Variants in PDIA5 observed in about 807,000 individuals in gnomAD.
The protein encoded by PDIA5 is protein disulfide-isomerase A5.
PDIA5 carries 58 observed loss-of-function variants against 77.6 expected under a neutral mutation model. The observed-to-expected ratio is 0.75, with a 90% confidence interval of 0.61 to 0.93. The LOEUF is 0.93. PDIA5 is among the 40% of genes least tolerant of loss of function. The probability of loss-of-function intolerance (pLI) is 0.00; values close to 1 mark genes in which losing one functional copy is unlikely to be tolerated. For synonymous variants in PDIA5, 250 were observed against 252.1 expected (o/e 0.99, Z 0.08); for missense variants, 630 against 647.7 (o/e 0.97, Z 0.30).
chr3:123,111,050 T>C, intron 7 of PDIA5, 46 bp downstream of exon 7: 1 of 1,500,836 alleles, frequency 6.7e-7, no homozygotes, highest in Non-Finnish European at 9.3e-7. Context: ...GTTTAGTCTC[T>C]TTGTGGGTGG....
intron 15 of PDIA5, among the ~76,000 whole-genome samples, chr3:123,158,495 A>G (rs1936072111): frequency 6.6e-6 from 1 of 152,196 alleles, no homozygotes; most frequent in African/African-American, 2.4e-5. Context: ...GAGGAACCAA[A>G]GCAGGTGTTT....
At chr3:123,142,185 C>T (rs937324530) in intron 11 of PDIA5, among the ~76,000 whole-genome samples, 3 of 152,214 alleles carry the variant, frequency 2.0e-5, no homozygotes, top group Non-Finnish European at 2.9e-5. Context: ...CTAGAGGGAG[C>T]GGCCTGCCTG....
intron 13 of PDIA5, among the ~76,000 whole-genome samples, chr3:123,147,426 G>C (rs146206168): frequency 6.6e-6 from 1 of 152,210 alleles, no homozygotes; most frequent in Non-Finnish European, 1.5e-5. Context: ...GAACCTATAC[G>C]GTCTGAGCTA....
intron 11 of PDIA5, 103 bp from the exon 12 acceptor site, chr3:123,145,418 AG>A (rs1935743385): frequency 1.4e-6 from 1 of 740,562 alleles, no homozygotes. Flanking sequence ...TGCTTTTCTC[AG>A]GTGTCTGGGA....
At chr3:123,105,606 C>T (rs1388486735) in intron 5 of PDIA5, among the ~76,000 whole-genome samples, 3 of 152,154 alleles carry the variant, frequency 2.0e-5, no homozygotes, top group Admixed American at 2.0e-4. Flanking sequence ...CCCATTCTCC[C>T]GTAGTAGTTC....
intron 10 of PDIA5, among the ~76,000 whole-genome samples, chr3:123,125,774 A>C (rs1935233949): frequency 6.6e-6 from 1 of 152,134 alleles, no homozygotes; most frequent in African/African-American, 2.4e-5. Context: ...TGTTTGCATC[A>C]TGTCTTTTAT....
chr3:123,140,764 C>A (rs1935613197), intron 11 of PDIA5, among the ~76,000 whole-genome samples: 1 of 152,210 alleles, frequency 6.6e-6, no homozygotes. Flanking sequence ...AAGCCCAGCA[C>A]AGACAGCGAG....
intron 2 of PDIA5, among the ~76,000 whole-genome samples, chr3:123,091,345 G>T (rs970782463): frequency 1.3e-5 from 2 of 152,114 alleles, no homozygotes; most frequent in African/African-American, 4.8e-5. Flanking sequence ...GCTTGGGGAT[G>T]TATCATATGG....
intron 8 of PDIA5, among the ~76,000 whole-genome samples, chr3:123,123,255 G>A (rs1301857230): frequency 1.3e-5 from 2 of 152,182 alleles, no homozygotes; most frequent in East Asian, 3.9e-4. Flanking sequence ...GGGAGTTTTA[G>A]GGGATTCCTT....
chr3:123,127,227 T>C (rs1935261379), intron 10 of PDIA5, among the ~76,000 whole-genome samples: 1 of 152,098 alleles, frequency 6.6e-6, no homozygotes, highest in South Asian at 2.1e-4. Context: ...GAACAATTGC[T>C]CTCTCCAAAC....
intron 11 of PDIA5, among the ~76,000 whole-genome samples, chr3:123,141,436 C>T (rs2107977197): frequency 6.6e-6 from 1 of 152,334 alleles, no homozygotes; most frequent in South Asian, 2.1e-4. Flanking sequence ...GGCAGTGGAC[C>T]TTTGGGGACT....
chr3:123,129,700 T>G (rs1935329053), intron 10 of PDIA5, among the ~76,000 whole-genome samples: 1 of 152,128 alleles, frequency 6.6e-6, no homozygotes, highest in Non-Finnish European at 1.5e-5. Context: ...CCTGCGAGCC[T>G]CCCTCCTCCT....
intron 1 of PDIA5, among the ~76,000 whole-genome samples, chr3:123,082,845 G>C (rs968820389): frequency 2.0e-5 from 3 of 152,100 alleles, no homozygotes; most frequent in African/African-American, 7.2e-5. Context: ...GACACTCAGA[G>C]GTCTAGTAAC....
chr3:123,138,054 T>C (rs936051921), intron 11 of PDIA5, among the ~76,000 whole-genome samples: 2 of 152,186 alleles, frequency 1.3e-5, no homozygotes, highest in African/African-American at 4.8e-5. Context: ...CAAGTGATCC[T>C]CCTGCCTCAG....
At chr3:123,157,944 A>C (rs1163811167) in intron 15 of PDIA5, among the ~76,000 whole-genome samples, 1 of 152,152 alleles carries the variant, frequency 6.6e-6, no homozygotes, top group Non-Finnish European at 1.5e-5. Flanking sequence ...CCAGGTGTGA[A>C]GGTCACCCTT....
At chr3:123,115,072 G>C (rs981486922) in intron 7 of PDIA5, among the ~76,000 whole-genome samples, 2 of 152,236 alleles carry the variant, frequency 1.3e-5, no homozygotes, top group South Asian at 4.1e-4. Context: ...AGCTAAGCAT[G>C]GATTGGAGCT....
chr3:123,114,146 T>C (rs1010279019), intron 7 of PDIA5, among the ~76,000 whole-genome samples: 1 of 152,230 alleles, frequency 6.6e-6, no homozygotes, highest in Non-Finnish European at 1.5e-5. Flanking sequence ...TGCTGCAGGC[T>C]GCAAACAGGC....
chr3:123,157,196 G>A (rs984963318), intron 15 of PDIA5, among the ~76,000 whole-genome samples: 1 of 152,182 alleles, frequency 6.6e-6, no homozygotes, highest in African/African-American at 2.4e-5. Flanking sequence ...TCTGAGGCAG[G>A]TGGCCTGCCT....
intron 11 of PDIA5, among the ~76,000 whole-genome samples, chr3:123,140,666 G>A (rs775576716): frequency 5.4e-4 from 82 of 152,246 alleles, no homozygotes; most frequent in Middle Eastern, 3.4e-3. Context: ...TTGTCACTTC[G>A]TCTTCCAGAG....
Sources: allele counts gnomAD v4.1 joint callset (sites outside exome capture counted in the v4.1 genomes callset), GRCh38; gene constraint gnomAD v4.1.1; transcripts MANE v1.5; gene names NCBI Gene and HGNC (gene_info 2026-07-23, HGNC 2026-07-21).